Variants in ASAH1 observed in about 807,000 individuals in gnomAD.
ASAH1 encodes the protein acid ceramidase.
ASAH1 carries 70 observed loss-of-function variants against 59.5 expected under a neutral mutation model. That is an observed-to-expected ratio of 1.18 (90% CI 0.97 to 1.43). The LOEUF (loss-of-function observed/expected upper bound fraction) is 1.43, where lower values mean the gene tolerates loss of function less well. Among genes scored for constraint, ASAH1 ranks in the 40% most tolerant of loss-of-function variants. ASAH1 has a pLI of 0.00. For missense variants in ASAH1, 660 were observed against 482.5 expected (o/e 1.37, Z -3.45); for synonymous variants, 213 against 166.5 (o/e 1.28, Z -2.15).
intron 3 of ASAH1, among the ~76,000 whole-genome samples, chr8:18,071,097 C>G (rs1800150083): frequency 6.6e-6 from 1 of 151,754 alleles, no homozygotes; most frequent in Non-Finnish European, 1.5e-5. Flanking sequence ...ATTCCAGCTA[C>G]TCGGGAAGCT....
At chr8:18,067,097 C>A (rs3210015) in intron 5 of ASAH1, 123 bp downstream of exon 5, 3 of 113,800 alleles carry the variant, frequency 2.6e-5, no homozygotes, top group South Asian at 9.1e-5. Context: ...TATCTAAGAC[C>A]TGTGCACCTG....
chr8:18,067,349 A>C (rs759150180), intron 4 of ASAH1, 51 bp from the exon 5 acceptor site: 1 of 1,085,332 alleles, frequency 9.2e-7, no homozygotes, highest in Non-Finnish European at 1.2e-6. Context: ...ACAATAAAAA[A>C]TATATAATAT....
chr8:18,063,604 C>A, intron 6 of ASAH1: 1 of 201,886 alleles, frequency 5.0e-6, no homozygotes, highest in Non-Finnish European at 1.0e-5. Context: ...CAGGTGTAAG[C>A]CACTGTGCCT....
At position 18,057,339 on chromosome 8, in the gene ASAH1, T is replaced by G; in HGVS notation, c.*195A>C. The G allele has an allele frequency of 2.5e-6, 1 of 397,392 alleles. No homozygotes were observed. The highest frequency in any genetic ancestry group is 4.8e-6 in the Non-Finnish European group (1 of 207,648). The allele number at this position is 397,392 out of a possible 1,614,324, so 24.6% of individuals were successfully genotyped here. The stretch of plus-strand genomic sequence containing the variant: ...TTCCCCTAAAGAAGTTATCTGTAAA[T>G]AAGAAAAATCAACTGATAGGGGGAA... On this transcript the variant is annotated 3_prime_UTR_variant, in exon 14 of 14. Transcript: ENST00000637790.
chr8:18,067,143 A>AGATCTAAGACATACAGCACC, intron 5 of ASAH1, 77 bp downstream of exon 5: 1 of 1,321,240 alleles, frequency 7.6e-7, no homozygotes, highest in Non-Finnish European at 1.1e-6. Context: ...CCTGTGCTGT[A>AGATCTAAGACATACAGCACC]TGTATATCAC....
At chr8:18,060,060 T>C (rs1358252699) in intron 10 of ASAH1, 1 of 232,740 alleles carries the variant, frequency 4.3e-6, no homozygotes, top group Non-Finnish European at 8.6e-6. Context: ...GTTAGTTTGC[T>C]GAGGATGATG....
At position 18,082,065 on chromosome 8, in the gene ASAH1, CAGAGT is replaced by C. The variant is rs1453626762; in HGVS notation, c.78+1911_78+1915del. Among the ~76,000 whole-genome samples the C allele has an allele frequency of 5.3e-5, 8 of 152,338 alleles. No individual in the cohort carries two copies. The East Asian group carries it at 5.8e-4, about 11-fold the overall frequency. ...AATGAAAACTTGAAGTCCATACAAT[CAGAGT>C]AAAGATTAACATTCTAAATTAATAA... On this transcript the variant is annotated intron_variant, in intron 1 of 13. Coordinates refer to ENST00000637790, the MANE Select transcript of ASAH1 (RefSeq NM_177924.5).
chr8:18,084,118 G>C, upstream of ASAH1: 1 of 1,586,774 alleles, frequency 6.3e-7, no homozygotes, highest in Non-Finnish European at 8.5e-7. Flanking sequence ...AGCCGGCTGG[G>C]CCGGGGGCAG....
At chr8:18,066,422 C>CAAAAAAAAAAAAAAAAAAAAAAAAA (rs35999931) in intron 5 of ASAH1, 2 of 127,338 alleles carry the variant, frequency 1.6e-5, no homozygotes, top group Non-Finnish European at 1.7e-5. Flanking sequence ...CAAAGAAAAC[C>CAAAAAAAAAAAAAAAAAAAAAAAAA]AAAAAAAAAA....
chr8:18,070,672 T>C lies in ASAH1; in HGVS notation c.216+628A>G, dbSNP rs531899930. 2.4e-3 allele frequency among the ~76,000 whole-genome samples: 371 copies of C among 152,176 alleles called. 1 individual carries two copies. Among genetic ancestry groups the C allele is most frequent in the Non-Finnish European group, 4.3e-3 (293 of 68,008 alleles). On this transcript the variant is annotated intron_variant, in intron 3 of 13. Coordinates refer to ENST00000637790, the MANE Select transcript of ASAH1 (RefSeq NM_177924.5). ...ATTATTTACATGAAGGGAGATGACA[T>C]AAAGGGAAAGAAACAAAGGTAAAGT...
chr8:18,064,533 T>C lies in ASAH1; in HGVS notation c.383-2A>G. 6.6e-7 allele frequency: 1 copy of C among 1,507,780 alleles called. No homozygotes were observed. Among genetic ancestry groups the C allele is most frequent in the Non-Finnish European group, 9.2e-7 (1 of 1,091,860 alleles). 93.4% of individuals were successfully genotyped at this position (1,507,780 alleles called of 1,614,324 possible). ...AAATATTGAATGAAATAATCTCTCC[T>C]ATGAGAAAAGAAAATTTTGTGTTAA... On this transcript the variant is annotated splice_acceptor_variant, in intron 5 of 13. Coordinates refer to ENST00000637790, the MANE Select transcript of ASAH1 (RefSeq NM_177924.5). LOFTEE classifies it high-confidence loss of function.
chr8:18,084,624 G>A (rs942151701), upstream of ASAH1: 17 of 1,609,588 alleles, frequency 1.1e-5, no homozygotes, highest in Admixed American at 1.7e-5. Context: ...AGTGGCCGAG[G>A]AGTGAGAGAG....
At chr8:18,071,270 G>C (rs1219087093) in intron 3 of ASAH1, 30 bp downstream of exon 3, 25 of 1,123,332 alleles carry the variant, frequency 2.2e-5, no homozygotes, top group Non-Finnish European at 2.6e-5. Context: ...TAAAAATAAA[G>C]AAATAAAAGA....
rs753866856 is a variant in ASAH1 at position 18,084,053 on chromosome 8, C to G, written c.6G>C (p.Pro2=). The G allele has an allele frequency of 2.5e-6, 4 of 1,598,702 alleles. No homozygotes were observed. The highest frequency in any genetic ancestry group is 2.2e-5 in the East Asian group (1 of 44,844). Residue 2 remains proline (P), a synonymous_variant, in exon 1 of 14, where the codon CCG becomes CCC. Transcript: ENST00000637790. ...GGACTAAGGCGACGCAACTCCGGCC[C>G]GGCATCGCTCTAGCAGCCAACGCCA... M[P]GRSCVALVLL...
intron 13 of ASAH1, chr8:18,058,466 C>G (rs17116514): frequency 0.89 from 181,015 of 202,660 alleles, 83,587 homozygotes; most frequent in Non-Finnish European, 0.99. Flanking sequence ...AAGGGAAACC[C>G]GAACCCACCA....
At chr8:18,082,412 C>T (rs1003921586) in intron 1 of ASAH1, 2 of 152,200 alleles carry the variant, frequency 1.3e-5, no homozygotes, top group African/African-American at 4.8e-5. Context: ...TCCTCCTGGA[C>T]ATCAACAATC....
At chr8:18,077,010 G>A (rs1455606948) in intron 1 of ASAH1, among the ~76,000 whole-genome samples, 1 of 152,162 alleles carries the variant, frequency 6.6e-6, no homozygotes, top group Non-Finnish European at 1.5e-5. Context: ...AAAGCCATTC[G>A]TGTTCAGTAA....
At chr8:18,071,489 AGC>A in intron 2 of ASAH1, 99 bp from the exon 3 acceptor site, 1 of 881,482 alleles carries the variant, frequency 1.1e-6, no homozygotes, top group South Asian at 1.4e-5. Context: ...AAGTCTTAAC[AGC>A]AGTGTAGAAT....
intron 4 of ASAH1, chr8:18,067,818 T>C (rs1799996964): frequency 6.6e-6 from 1 of 152,308 alleles, no homozygotes; most frequent in African/African-American, 2.4e-5. Flanking sequence ...TGCATTCTTT[T>C]AGCAAACCAG....
Sources: gnomAD v4.1 joint callset for allele counts (sites outside exome capture counted in the v4.1 genomes callset) on GRCh38, gnomAD v4.1.1 for gene constraint, MANE v1.5 for transcripts, NCBI Gene and HGNC (gene_info 2026-07-23, HGNC 2026-07-21) for gene names.